Variants in MYT1L observed in about 807,000 individuals in gnomAD.
MYT1L encodes myelin transcription factor 1 like.
In MYT1L, 12 loss-of-function variants were observed where a neutral mutation model predicts 126.7. That is an observed-to-expected ratio of 0.09 (90% CI 0.06 to 0.15). The LOEUF is 0.15. Among genes scored for constraint, MYT1L ranks in the 10% least tolerant of loss-of-function variants. The probability of loss-of-function intolerance (pLI) is 1.00; values close to 1 mark genes in which losing one functional copy is unlikely to be tolerated. For missense variants in MYT1L, 979 were observed against 1,585.2 expected (o/e 0.62, Z 6.49); for synonymous variants, 541 against 604.2 (o/e 0.90, Z 1.53).
intron 2 of MYT1L, among the ~76,000 whole-genome samples, chr2:2,214,348 A>T (rs147525536): frequency 6.6e-6 from 1 of 152,106 alleles, no homozygotes; most frequent in Non-Finnish European, 1.5e-5. Flanking sequence ...TAATGAAAAC[A>T]TCAAACCCAC....
At chr2:2,266,851 AT>A (rs1489544914) in intron 2 of MYT1L, among the ~76,000 whole-genome samples, 1 of 152,154 alleles carries the variant, frequency 6.6e-6, no homozygotes, top group Non-Finnish European at 1.5e-5. Context: ...GTCATGTAAG[AT>A]GTGACTTTGC....
chr2:1,851,339 T>C (rs1188982348), intron 19 of MYT1L, among the ~76,000 whole-genome samples: 2 of 152,194 alleles, frequency 1.3e-5, no homozygotes, highest in Non-Finnish European at 2.9e-5. Context: ...TACTGTTCTT[T>C]TGCCTTTACT....
rs533987515 is a variant in MYT1L, at chr2:2,037,865, T to C, written c.-158+16113A>G. Among the ~76,000 whole-genome samples, 6 of 152,080 alleles carry C rather than the reference T, an allele frequency of 3.9e-5. No homozygotes were observed. The East Asian group carries it at 1.2e-3, about 29-fold the overall frequency. On this transcript the variant is annotated intron_variant, in intron 4 of 24. Coordinates refer to ENST00000647738, the MANE Select transcript of MYT1L (RefSeq NM_001303052.2). Reference sequence around the variant, plus strand: ...TTCAAAACTACAGTTTTTCAAAATATACAGTTTTCAAAACTATACATTCAA... The same window carrying C: ...TTCAAAACTACAGTTTTTCAAAATACACAGTTTTCAAAACTATACATTCAA...
At chr2:1,883,507 G>C (rs2047822239) in intron 18 of MYT1L, among the ~76,000 whole-genome samples, 1 of 152,182 alleles carries the variant, frequency 6.6e-6, no homozygotes, top group Non-Finnish European at 1.5e-5. Flanking sequence ...AAACTTTTCT[G>C]AGAATCAGAG....
At chr2:2,079,364 A>C (rs553740792) in intron 3 of MYT1L, among the ~76,000 whole-genome samples, 9 of 152,362 alleles carry the variant, frequency 5.9e-5, no homozygotes, top group Middle Eastern at 3.4e-3. Context: ...AAATGGAAAG[A>C]CATGTTCACA....
chr2:2,302,149 CAG>C (rs1246730436), intron 1 of MYT1L, among the ~76,000 whole-genome samples: 1 of 152,172 alleles, frequency 6.6e-6, no homozygotes. Flanking sequence ...AATGCACACA[CAG>C]AGAATAAAAT....
intron 1 of MYT1L, chr2:2,326,146 A>C (rs1456312486): frequency 6.6e-6 from 1 of 152,342 alleles, no homozygotes; most frequent in Non-Finnish European, 1.5e-5. Context: ...TGCTGGTCAC[A>C]GTTCCCTCTG....
At chr2:2,121,221 G>C (rs2080954987) in intron 3 of MYT1L, among the ~76,000 whole-genome samples, 1 of 152,234 alleles carries the variant, frequency 6.6e-6, no homozygotes, top group Non-Finnish European at 1.5e-5. Flanking sequence ...GCCCAGGCTG[G>C]AGTGCAACGG....
chr2:2,236,227 CACATCCCAACCCAACCCAGT>C (rs1559418093), intron 2 of MYT1L, among the ~76,000 whole-genome samples: 5 of 127,394 alleles, frequency 3.9e-5, no homozygotes, highest in Admixed American at 8.2e-5. Flanking sequence ...CCCAGCCCAG[CACATCCCAACCCAACCCAGT>C]ACATCCCAAC....
At chr2:1,977,061 A>G (rs577674209) in intron 8 of MYT1L, among the ~76,000 whole-genome samples, 2 of 152,346 alleles carry the variant, frequency 1.3e-5, no homozygotes, top group South Asian at 2.1e-4. Flanking sequence ...AACTGAGTGC[A>G]TTAAAATATT....
rs796326516 is a variant in MYT1L, at chr2:1,840,899, TCTTTC to T, written c.2775-61_2775-57del. ...CCACACCGTTGATTTCAGTGAGCTT[TCTTTC>T]TTTTTTTTTTTTTTTTTGAGACAGA... On this transcript the variant is annotated intron_variant, in intron 19 of 24. Transcript: ENST00000647738. 1.7e-4 allele frequency: 174 copies of T among 1,005,600 alleles called. 1 individual carries two copies. In the African/African-American group the frequency reaches 2.2e-3, roughly 13 times the overall value. The allele number at this position is 1,005,600 out of a possible 1,614,324, so 62.3% of individuals were successfully genotyped here.
chr2:2,208,561 A>G (rs912627848), intron 2 of MYT1L, among the ~76,000 whole-genome samples: 1 of 152,262 alleles, frequency 6.6e-6, no homozygotes, highest in African/African-American at 2.4e-5. Context: ...ATATACTGAC[A>G]TACTGTAATA....
chr2:2,050,263 T>C (rs1329944722), intron 4 of MYT1L, among the ~76,000 whole-genome samples: 2 of 152,188 alleles, frequency 1.3e-5, no homozygotes, highest in African/African-American at 4.8e-5. Context: ...GTTTTAAATA[T>C]ATTTCTTTCA....
intron 19 of MYT1L, among the ~76,000 whole-genome samples, chr2:1,850,036 G>T (rs1252463785): frequency 6.6e-6 from 1 of 150,888 alleles, no homozygotes; most frequent in East Asian, 2.0e-4. Flanking sequence ...GGTGGTGAGG[G>T]GGGGGCCATT....
intron 3 of MYT1L, among the ~76,000 whole-genome samples, chr2:2,134,843 T>C (rs913528451): frequency 6.6e-6 from 1 of 152,200 alleles, no homozygotes; most frequent in Non-Finnish European, 1.5e-5. Flanking sequence ...CTCCTTAACA[T>C]GTATTGCAAA....
intron 2 of MYT1L, among the ~76,000 whole-genome samples, chr2:2,281,541 C>G (rs1345821999): frequency 2.0e-5 from 3 of 152,088 alleles, no homozygotes; most frequent in Non-Finnish European, 4.4e-5. Flanking sequence ...CAACTGAGGC[C>G]AAAATGTGTT....
At chr2:2,286,018 T>A (rs1054539171) in intron 1 of MYT1L, among the ~76,000 whole-genome samples, 1 of 152,104 alleles carries the variant, frequency 6.6e-6, no homozygotes, top group African/African-American at 2.4e-5. Context: ...ACTGTCACTC[T>A]GTCACCCAGG....
chr2:1,792,254 G>A (rs774537123), intron 24 of MYT1L, 67 bp downstream of exon 24: 33 of 1,482,534 alleles, frequency 2.2e-5, no homozygotes, highest in Non-Finnish European at 2.6e-5. Flanking sequence ...CGATAAAAAC[G>A]GCATCTACTT....
intron 4 of MYT1L, among the ~76,000 whole-genome samples, chr2:2,023,016 C>G (rs902367233): frequency 6.6e-6 from 1 of 152,228 alleles, no homozygotes; most frequent in African/African-American, 2.4e-5. Flanking sequence ...AAGAAAGCAT[C>G]TTTCATGATA....
Sources: allele counts gnomAD v4.1 joint callset (sites outside exome capture counted in the v4.1 genomes callset), GRCh38; gene constraint gnomAD v4.1.1; transcripts MANE v1.5; gene names NCBI Gene and HGNC (gene_info 2026-07-23, HGNC 2026-07-21).